The following SLC44A5 variants were observed in gnomAD, a reference collection of about 807,000 sequenced individuals.
SLC44A5 encodes solute carrier family 44 member 5.
In SLC44A5, 57 loss-of-function variants were observed where a neutral mutation model predicts 101.8. The ratio of observed to expected loss-of-function variants is 0.56; its 90% CI spans 0.45 to 0.70. SLC44A5 has a LOEUF of 0.70. Ranked by LOEUF, SLC44A5 falls within the 30% of genes least tolerant of loss-of-function variation. The pLI is 0.00. For missense variants in SLC44A5, 737 were observed against 853.1 expected (o/e 0.86, Z 1.70); for synonymous variants, 281 against 290.9 (o/e 0.97, Z 0.35).
intron 2 of SLC44A5, among the ~76,000 whole-genome samples, chr1:75,439,244 A>G (rs1033637175): frequency 2.0e-5 from 3 of 152,106 alleles, no homozygotes; most frequent in African/African-American, 7.2e-5. Context: ...GCAAGAAGGC[A>G]CTTGCCAGAT....
chr1:75,663,315 T>C, the SLC44A5 span, among the ~76,000 whole-genome samples: 15 of 152,128 alleles, frequency 9.9e-5, no homozygotes, highest in African/African-American at 3.6e-4. Context: ...CATTCTTTTG[T>C]TCCATCATGT....
chr1:75,408,103 T>C (rs928043082), intron 2 of SLC44A5, among the ~76,000 whole-genome samples: 4 of 151,510 alleles, frequency 2.6e-5, no homozygotes, highest in African/African-American at 9.8e-5. Flanking sequence ...CCTACAAACA[T>C]ATGAAAAAAA....
chr1:75,409,923 C>G (rs1452286236), intron 2 of SLC44A5, among the ~76,000 whole-genome samples: 1 of 152,076 alleles, frequency 6.6e-6, no homozygotes, highest in Non-Finnish European at 1.5e-5. Flanking sequence ...ACATGACATA[C>G]ATACATACAT....
intron 2 of SLC44A5, among the ~76,000 whole-genome samples, chr1:75,532,713 G>A (rs997050968): frequency 2.6e-5 from 4 of 152,164 alleles, no homozygotes; most frequent in Non-Finnish European, 4.4e-5. Context: ...CCAGTGTTCA[G>A]TATAGAGTTT....
chr1:75,723,921 A>C, the SLC44A5 span: 1 of 152,158 alleles, frequency 6.6e-6, no homozygotes, highest in Non-Finnish European at 1.5e-5. Flanking sequence ...TTAAGTTAGT[A>C]TAAGATTTAG....
At chr1:75,514,327 A>G (rs1405403757) in intron 2 of SLC44A5, among the ~76,000 whole-genome samples, 1 of 152,170 alleles carries the variant, frequency 6.6e-6, no homozygotes, top group Non-Finnish European at 1.5e-5. Context: ...TTCAGCCAAC[A>G]TTTGTCTGTC....
chr1:75,263,199 C>G (rs1650686656), intron 6 of SLC44A5, among the ~76,000 whole-genome samples: 1 of 152,120 alleles, frequency 6.6e-6, no homozygotes, highest in South Asian at 2.1e-4. Flanking sequence ...AAGCAACCGA[C>G]AGAATGGGAG....
At chr1:75,537,033 A>AAAATATATAT (rs35829590) in intron 2 of SLC44A5, among the ~76,000 whole-genome samples, 5 of 43,044 alleles carry the variant, frequency 1.2e-4, no homozygotes, top group East Asian at 8.5e-4. Flanking sequence ...AAAAAAAAAA[A>AAAATATATAT]ATATATATCT....
At chr1:75,463,477 A>C (rs1378133884) in intron 2 of SLC44A5, among the ~76,000 whole-genome samples, 2 of 151,802 alleles carry the variant, frequency 1.3e-5, no homozygotes, top group African/African-American at 2.4e-5. Context: ...GAAACAAATA[A>C]CGTACAATGG....
At chr1:75,410,964 T>C (rs1314963751) in intron 2 of SLC44A5, among the ~76,000 whole-genome samples, 1 of 152,024 alleles carries the variant, frequency 6.6e-6, no homozygotes, top group Non-Finnish European at 1.5e-5. Context: ...TTGTCATATC[T>C]CTTGAGGTAG....
At chr1:75,463,174 T>C (rs1048375506) in intron 2 of SLC44A5, among the ~76,000 whole-genome samples, 1 of 151,944 alleles carries the variant, frequency 6.6e-6, no homozygotes, top group Non-Finnish European at 1.5e-5. Flanking sequence ...GTAATCCCAG[T>C]ACTTTGGAAG....
chr1:75,537,712 A>C (rs1671133502), intron 2 of SLC44A5, among the ~76,000 whole-genome samples: 2 of 152,236 alleles, frequency 1.3e-5, no homozygotes, highest in African/African-American at 2.4e-5. Context: ...GGAGGGAAGA[A>C]ATTGTTTCAG....
chr1:75,384,298 T>C (rs1178410996), intron 3 of SLC44A5, among the ~76,000 whole-genome samples: 1 of 151,212 alleles, frequency 6.6e-6, no homozygotes, highest in Non-Finnish European at 1.5e-5. Flanking sequence ...CAGTGTGCTG[T>C]ATTCAGGAAA....
At position 75,219,336 on chromosome 1, in the gene SLC44A5, G is replaced by C. The variant is rs202241076; in HGVS notation, c.1187C>G (p.Ala396Gly). The change falls in exon 16 of 24, where the codon GCG becomes GGG. Residue 396 changes from alanine (A) to glycine (G), a missense_variant. Ala to Gly is a moderately conservative substitution (Grantham distance 60, BLOSUM62 0). This residue lies in a region of SLC44A5 where 665 missense variants were observed against 764.4 expected (regional missense o/e 0.87). Transcript: ENST00000370859. ...CYWVVTAVFL[A>G]TSGVPVYKVI... is the part of the protein sequence containing the mutation. ...TTTGTATACAGGTACCCCCGATGTC[G>C]CCAAGAAACTGAATAAACTCCATTA... 1.2e-6 allele frequency: 2 copies of C among 1,609,500 alleles called. No individual in the cohort carries two copies. Among genetic ancestry groups the C allele is most frequent in the East Asian group, 4.5e-5 (2 of 44,768 alleles).
At chr1:75,597,716 G>A (rs957705700) in intron 1 of SLC44A5, among the ~76,000 whole-genome samples, 1 of 152,128 alleles carries the variant, frequency 6.6e-6, no homozygotes, top group Admixed American at 6.6e-5. Flanking sequence ...CCTAAATGGT[G>A]CTGGGATAAC....
chr1:75,410,963 C>T (rs968611923), intron 2 of SLC44A5, among the ~76,000 whole-genome samples: 3 of 152,016 alleles, frequency 2.0e-5, no homozygotes, highest in Non-Finnish European at 4.4e-5. Context: ...TTTGTCATAT[C>T]TCTTGAGGTA....
the SLC44A5 span, among the ~76,000 whole-genome samples, chr1:75,663,396 T>C: frequency 6.6e-6 from 1 of 152,166 alleles, no homozygotes; most frequent in African/African-American, 2.4e-5. Context: ...ATACTGGCAC[T>C]CTGATCTCAG....
intron 14 of SLC44A5, among the ~76,000 whole-genome samples, chr1:75,221,696 A>G (rs1647084752): frequency 6.6e-6 from 1 of 152,190 alleles, no homozygotes. Flanking sequence ...CAGTATGAAA[A>G]TAATATTACA....
At chr1:75,609,093 G>A (rs980034927) in intron 1 of SLC44A5, among the ~76,000 whole-genome samples, 1 of 151,590 alleles carries the variant, frequency 6.6e-6, no homozygotes, top group African/African-American at 2.4e-5. Flanking sequence ...AATGAATAGA[G>A]AACTACATGA....
Sources: gnomAD v4.1 joint callset for allele counts (sites outside exome capture counted in the v4.1 genomes callset) on GRCh38, gnomAD v4.1.1 for gene constraint, gnomAD v4.1.1 regional missense constraint, MANE v1.5 for transcripts, NCBI Gene and HGNC (gene_info 2026-07-23, HGNC 2026-07-21) for gene names.